The following ATRIP variants were observed in gnomAD, a reference collection of about 807,000 sequenced individuals.
ATRIP encodes ATR-interacting protein.
A neutral mutation model predicts 78.1 loss-of-function variants in ATRIP; 44 were observed. The ratio of observed to expected loss-of-function variants is 0.56; its 90% CI spans 0.44 to 0.72. The LOEUF (loss-of-function observed/expected upper bound fraction) is 0.72. ATRIP is among the 30% of genes least tolerant of loss of function. The probability of loss-of-function intolerance (pLI) is 0.00; values close to 1 mark genes in which losing one functional copy is unlikely to be tolerated. For synonymous variants in ATRIP, 388 were observed against 408.9 expected (o/e 0.95, Z 0.62); for missense variants, 927 against 980.2 (o/e 0.95, Z 0.72).
chr3:48,464,442 G>A (rs2040210223), intron 10 of ATRIP, 140 bp from the exon 11 acceptor site: 2 of 985,136 alleles, frequency 2.0e-6, no homozygotes, highest in African/African-American at 1.6e-5. Flanking sequence ...TCCCTGGGAA[G>A]GTCCCACACC....
At position 48,463,840 on chromosome 3, in the gene ATRIP, C is replaced by T. The variant is rs138163219; in HGVS notation, c.1841C>T (p.Ala614Val). 3.3e-5 allele frequency: 53 copies of T among 1,613,986 alleles called. No individual in the cohort carries two copies. The highest frequency in any genetic ancestry group is 1.6e-4 in the Middle Eastern group (1 of 6,084). Residue 614 changes from alanine to valine, a missense_variant, in exon 9 of 13, where the codon GCG (alanine) becomes GTG (valine). Coordinates refer to ENST00000320211, the MANE Select transcript of ATRIP (RefSeq NM_130384.3). The stretch of plus-strand genomic sequence containing the variant: ...GCTGTTGAGCTCCTCTCCCTGCTGG[C>T]GGACCACGACCAGCTGGCACCTCAG... The part of the protein sequence containing the change: ...LLAVELLSLL[A>V]DHDQLAPQLC...
At chr3:48,453,357 C>T (rs953565551) in intron 3 of ATRIP, among the ~76,000 whole-genome samples, 5 of 152,230 alleles carry the variant, frequency 3.3e-5, no homozygotes, top group African/African-American at 1.2e-4. Flanking sequence ...CTGTGCCCAT[C>T]ATTAACCGCA....
chr3:48,450,705 G>A, intron 2 of ATRIP: 2 of 404,872 alleles, frequency 4.9e-6, no homozygotes, highest in Admixed American at 3.8e-5. Flanking sequence ...ACATGCCTTA[G>A]CTTCCAGAGT....
intron 4 of ATRIP, among the ~76,000 whole-genome samples, chr3:48,455,761 T>C (rs1490631909): frequency 6.6e-6 from 1 of 151,696 alleles, no homozygotes; most frequent in East Asian, 2.0e-4. Context: ...GCCTCCCAAA[T>C]TGTTGGGATT....
At position 48,466,526 on chromosome 3, in the gene ATRIP, G is replaced by T. The variant is rs1250725084; in HGVS notation, c.*972G>T. On this transcript the variant is annotated 3_prime_UTR_variant, in exon 13 of 13. Transcript: ENST00000320211. ...GAGCTCGCAGACAGGGCAGGATTGT[G>T]CAGGGAAGGCCTGAGATGTGCTTCT... 1.9e-6 allele frequency: 3 copies of T among 1,613,816 alleles called. No individual in the cohort carries two copies. Among genetic ancestry groups the T allele is most frequent in the Non-Finnish European group, 2.5e-6 (3 of 1,179,994 alleles).
chr3:48,464,073 A>G lies in ATRIP; in HGVS notation c.1915A>G (p.Ile639Val). The change falls in exon 10 of 13, where the codon ATC becomes GTC. Residue 639 changes from isoleucine to valine, a missense_variant. By Grantham distance (29) the Ile-to-Val change is conservative. Coordinates refer to ENST00000320211, the MANE Select transcript of ATRIP (RefSeq NM_130384.3). Reference protein sequence around the residue: ...GCLLLLLYMYITSRPDRVALE... With the variant: ...GCLLLLLYMYVTSRPDRVALE... The stretch of plus-strand genomic sequence containing the variant: ...CCTCCTGCTGCTGCTGTACATGTAC[A>G]TCACATCACGGCCTGACAGAGTGGC... 1 of 1,613,892 alleles carries G rather than the reference A, an allele frequency of 6.2e-7. No individual in the cohort carries two copies. The highest frequency in any genetic ancestry group is 2.2e-5 in the East Asian group (1 of 44,890).
At chr3:48,463,492 ATGC>A (rs1341947104) in intron 8 of ATRIP, among the ~76,000 whole-genome samples, 4 of 151,196 alleles carry the variant, frequency 2.6e-5, no homozygotes, top group Non-Finnish European at 4.4e-5. Context: ...TTCCTGGGCG[ATGC>A]TACACCAGAT....
rs748535974 is a variant in ATRIP at position 48,466,906 on chromosome 3, T to C, written c.*1352T>C. 1.2e-6 allele frequency: 2 copies of C among 1,611,876 alleles called. No individual in the cohort carries two copies. Among genetic ancestry groups the C allele is most frequent in the African/African-American group, 2.7e-5 (2 of 74,934 alleles). On this transcript the variant is annotated 3_prime_UTR_variant, in exon 13 of 13. Transcript: ENST00000320211. ...GCCTGCAGCCCTGCAGCCAGCGAGA[T>C]CACAGGTCTGAGCACAGCTGTGCTG...
chr3:48,449,288 C>G (rs565658824), intron 1 of ATRIP, among the ~76,000 whole-genome samples: 2 of 151,690 alleles, frequency 1.3e-5, no homozygotes, highest in Non-Finnish European at 2.9e-5. Context: ...GTAGCACACG[C>G]CTGTAATTCC....
chr3:48,464,364 G>A (rs1257215574), intron 10 of ATRIP, among the ~76,000 whole-genome samples: 2 of 152,210 alleles, frequency 1.3e-5, no homozygotes, highest in African/African-American at 2.4e-5. Context: ...GCTTTGGGAC[G>A]TGGGGGCAGA....
chr3:48,457,313 T>G lies in ATRIP; in HGVS notation c.726T>G (p.Phe242Leu), dbSNP rs2039977936. 1.2e-6 allele frequency: 2 copies of G among 1,606,976 alleles called. No individual in the cohort carries two copies. The highest frequency in any genetic ancestry group is 1.7e-6 in the Non-Finnish European group (2 of 1,177,078). The change falls in exon 5 of 13, where the codon TTT becomes TTG. Residue 242 changes from phenylalanine to leucine, a missense_variant. By Grantham distance (22) the Phe-to-Leu change is conservative. Coordinates refer to ENST00000320211, the MANE Select transcript of ATRIP (RefSeq NM_130384.3). Reference protein sequence around the residue: ...VIKPEACSPQFGKTSFPTKES... With the variant: ...VIKPEACSPQLGKTSFPTKES... ...AGCCAGAAGCATGTTCTCCACAATT[T>G]GGAAAAACATCTTTTCCTACAAAGG...
At chr3:48,453,723 T>C (rs966300875) in intron 3 of ATRIP, among the ~76,000 whole-genome samples, 2 of 152,180 alleles carry the variant, frequency 1.3e-5, no homozygotes, top group African/African-American at 4.8e-5. Flanking sequence ...GACCTGGAAT[T>C]GTGCACCAGT....
At position 48,450,144 on chromosome 3, in the gene ATRIP, G is replaced by A. The variant is rs746308489; in HGVS notation, c.355G>A (p.Ala119Thr). 1.2e-5 allele frequency: 19 copies of A among 1,611,400 alleles called. No individual in the cohort carries two copies. The highest frequency in any genetic ancestry group is 1.6e-5 in the Non-Finnish European group (19 of 1,179,298). The part of the protein sequence containing the change: ...KDNFELEVLQ[A>T]QYKELKEKMK... ...TAATTTCGAATTAGAGGTACTTCAGGCACAATACAAAGAACTTAAAGAAAA... is the reference window on the plus strand; with the variant it reads ...TAATTTCGAATTAGAGGTACTTCAGACACAATACAAAGAACTTAAAGAAAA... The change falls in exon 2 of 13, where the codon GCA becomes ACA. Residue 119 changes from alanine (A) to threonine (T), a missense_variant. By Grantham distance (58) the Ala-to-Thr change is moderately conservative. Coordinates refer to ENST00000320211, the MANE Select transcript of ATRIP (RefSeq NM_130384.3).
In ATRIP at chr3:48,454,378, C is replaced by A. The variant is rs775286602; in HGVS notation, c.631C>A (p.Arg211=). ...ELRTKLQTSE[R]ANKLAAPSVS... ...AAGGACAAAGCTCCAGACCAGTGAA[C>A]GAGCAAATAAACTGGCTGCTCCCTC... The change falls in exon 4 of 13, where the codon CGA becomes AGA. Residue 211 remains arginine (R), a synonymous_variant. Transcript: ENST00000320211. The A allele has an allele frequency of 9.9e-6, 16 of 1,613,538 alleles. No homozygotes were observed. Among genetic ancestry groups the A allele is most frequent in the Non-Finnish European group, 1.3e-5 (15 of 1,179,594 alleles).
At chr3:48,462,295 GAC>G (rs1291075474) in intron 8 of ATRIP, among the ~76,000 whole-genome samples, 1 of 151,342 alleles carries the variant, frequency 6.6e-6, no homozygotes, top group African/African-American at 2.4e-5. Flanking sequence ...ACTGGTGGTA[GAC>G]ACACCATTAT....
chr3:48,453,106 G>A (rs1300598856), intron 3 of ATRIP, among the ~76,000 whole-genome samples: 3 of 152,100 alleles, frequency 2.0e-5, no homozygotes, highest in African/African-American at 7.2e-5. Context: ...CCGTTCTCAA[G>A]CTCCTGGGCT....
rs587777856 is a variant in ATRIP, at chr3:48,465,053, C to T, written c.2278C>T (p.Arg760Ter). The T allele has an allele frequency of 4.3e-6, 7 of 1,612,750 alleles. No individual in the cohort carries two copies. The highest frequency in any genetic ancestry group is 1.1e-5 in the South Asian group (1 of 91,056). The change falls in exon 12 of 13, where the codon CGA (arginine) becomes TGA (stop). Residue 760 changes from arginine (R) to a stop codon, truncating the protein, a stop_gained. Transcript: ENST00000320211. LOFTEE classifies it high-confidence loss of function. ...QVMPGVSMLI[R>*]GLPDVTDCEE... Reference sequence around the variant, plus strand: ...GATGCCGGGGGTCAGCATGCTCATCCGAGGGCTTCCTGATGTGACGGACTG... The same window carrying T: ...GATGCCGGGGGTCAGCATGCTCATCTGAGGGCTTCCTGATGTGACGGACTG...
At chr3:48,460,922 G>GAACCAA (rs2040089689) in intron 8 of ATRIP, 123 bp downstream of exon 8, 1 of 984,628 alleles carries the variant, frequency 1.0e-6, no homozygotes, top group African/African-American at 1.6e-5. Flanking sequence ...TCTAAGGCTT[G>GAACCAA]GTTCAGGGAG....
intron 8 of ATRIP, among the ~76,000 whole-genome samples, chr3:48,461,996 G>A (rs888616452): frequency 3.3e-5 from 5 of 151,540 alleles, no homozygotes; most frequent in Admixed American, 6.6e-5. Flanking sequence ...GTGAGCCACC[G>A]GGCCCAGCCT....
Sources: allele counts gnomAD v4.1 joint callset (sites outside exome capture counted in the v4.1 genomes callset), GRCh38; gene constraint gnomAD v4.1.1; transcripts MANE v1.5; gene names NCBI Gene and HGNC (gene_info 2026-07-23, HGNC 2026-07-21).